The following SORT1 variants were observed in gnomAD, a reference collection of about 807,000 sequenced individuals.
SORT1 encodes the protein sortilin.
Under a neutral mutation model 101.7 loss-of-function variants are expected in SORT1, and 39 were observed. The ratio of observed to expected loss-of-function variants is 0.38; its 90% confidence interval spans 0.30 to 0.50. The LOEUF (loss-of-function observed/expected upper bound fraction) is 0.50, where lower values mean the gene tolerates loss of function less well. SORT1 is among the 20% of genes least tolerant of loss of function. SORT1 has a pLI of 0.90. For synonymous variants in SORT1, 396 were observed against 393.7 expected (o/e 1.01, Z -0.07); for missense variants, 878 against 1,040.4 (o/e 0.84, Z 2.15).
rs546292723 is a variant in SORT1 at position 109,312,005 on chromosome 1, G to C, written c.*2038C>G. On this transcript the variant is annotated 3_prime_UTR_variant, in exon 20 of 20. Coordinates refer to ENST00000256637, the MANE Select transcript of SORT1 (RefSeq NM_002959.7). ...TTTGCCAAGTTCCACAGAAATCCCA[G>C]ATATCATTAAAAGCGAAGAGCCCTA... 1 of 152,462 alleles carries C rather than the reference G, an allele frequency of 6.6e-6. No individual in the cohort carries two copies. 9.4% of individuals were successfully genotyped at this position (152,462 alleles called of 1,614,324 possible).
At chr1:109,319,539 G>A (rs1054176607) in intron 15 of SORT1, among the ~76,000 whole-genome samples, 4 of 151,716 alleles carry the variant, frequency 2.6e-5, no homozygotes, top group South Asian at 2.1e-4. Flanking sequence ...TTTCTTCCAC[G>A]CATTTTGGCT....
intron 14 of SORT1, among the ~76,000 whole-genome samples, chr1:109,323,662 C>T (rs922702326): frequency 6.6e-6 from 1 of 152,206 alleles, no homozygotes; most frequent in Non-Finnish European, 1.5e-5. Context: ...TGCTGATAAA[C>T]CTAGTTTCTG....
intron 1 of SORT1, among the ~76,000 whole-genome samples, chr1:109,391,856 G>A (rs1412768488): frequency 2.1e-4 from 32 of 152,108 alleles, no homozygotes. Flanking sequence ...ATAGTGGGAA[G>A]AACAAGTTTT....
At chr1:109,376,930 C>T (rs1651894699) in intron 1 of SORT1, among the ~76,000 whole-genome samples, 1 of 152,162 alleles carries the variant, frequency 6.6e-6, no homozygotes, top group African/African-American at 2.4e-5. Context: ...TGCACTTGTC[C>T]ATTGCTCCTC....
At chr1:109,330,094 C>A (rs187512185) in intron 11 of SORT1, among the ~76,000 whole-genome samples, 294 of 152,236 alleles carry the variant, frequency 1.9e-3, no homozygotes, top group African/African-American at 6.7e-3. Context: ...CTCCGCCTCC[C>A]GGGTTCAAAC....
chr1:109,319,607 C>T (rs1280702860), intron 15 of SORT1, among the ~76,000 whole-genome samples: 1 of 152,160 alleles, frequency 6.6e-6, no homozygotes, highest in Non-Finnish European at 1.5e-5. Context: ...TGGCTCATGC[C>T]TATAATCCTA....
chr1:109,382,689 C>T (rs1652317961), intron 1 of SORT1, among the ~76,000 whole-genome samples: 3 of 152,062 alleles, frequency 2.0e-5, no homozygotes, highest in African/African-American at 4.8e-5. Context: ...CATCTACTGC[C>T]CTCGGTAGGG....
chr1:109,333,896 C>G, intron 11 of SORT1, among the ~76,000 whole-genome samples: 1 of 152,260 alleles, frequency 6.6e-6, no homozygotes, highest in South Asian at 2.1e-4. Flanking sequence ...CCTGCAATCC[C>G]AGTACTTTGG....
chr1:109,349,000 C>T (rs372404524), intron 6 of SORT1, among the ~76,000 whole-genome samples: 4 of 151,994 alleles, frequency 2.6e-5, no homozygotes, highest in African/African-American at 4.8e-5. Flanking sequence ...TTACACATGA[C>T]CTACATGTTT....
At chr1:109,346,872 T>C (rs923425683) in intron 7 of SORT1, among the ~76,000 whole-genome samples, 3 of 152,222 alleles carry the variant, frequency 2.0e-5, no homozygotes, top group Admixed American at 2.0e-4. Flanking sequence ...CTGGGGGTCT[T>C]GCCACATTGC....
intron 10 of SORT1, 124 bp from the exon 11 acceptor site, chr1:109,336,470 C>A: frequency 1.5e-6 from 1 of 658,936 alleles, no homozygotes; most frequent in South Asian, 1.7e-5. Context: ...GCTTGTAACA[C>A]CTCACAAAAC....
chr1:109,355,641 A>ACCCCCCCCCCCCCCCCCCCCCCCCCC (rs529686433), intron 3 of SORT1, among the ~76,000 whole-genome samples, 172 bp from the exon 4 acceptor site: 1 of 84,102 alleles, frequency 1.2e-5, no homozygotes, highest in Non-Finnish European at 2.3e-5. Context: ...AGAACATTCC[A>ACCCCCCCCCCCCCCCCCCCCCCCCCC]CCCGCCCCCC....
intron 14 of SORT1, among the ~76,000 whole-genome samples, chr1:109,324,101 C>T (rs569447909): frequency 1.9e-4 from 29 of 148,718 alleles, no homozygotes; most frequent in African/African-American, 6.9e-4. Flanking sequence ...AACTACAGGT[C>T]ATCCTTTTTC....
chr1:109,333,907 G>A (rs940340642), intron 11 of SORT1, among the ~76,000 whole-genome samples: 5 of 152,222 alleles, frequency 3.3e-5, no homozygotes, highest in African/African-American at 9.7e-5. Flanking sequence ...AGTACTTTGG[G>A]AGGCAGAGGC....
intron 4 of SORT1, among the ~76,000 whole-genome samples, chr1:109,354,893 C>G (rs1384263483): frequency 6.6e-6 from 1 of 152,108 alleles, no homozygotes; most frequent in Non-Finnish European, 1.5e-5. Context: ...ACAAATAAAC[C>G]TGTGTGCTCA....
intron 3 of SORT1, among the ~76,000 whole-genome samples, chr1:109,365,279 A>C (rs1201555481): frequency 6.6e-6 from 1 of 152,200 alleles, no homozygotes; most frequent in Non-Finnish European, 1.5e-5. Context: ...CCTGGAGTGC[A>C]GTGATGTGAT....
intron 15 of SORT1, among the ~76,000 whole-genome samples, chr1:109,318,846 A>G (rs993319417): frequency 8.6e-5 from 13 of 151,914 alleles, no homozygotes; most frequent in African/African-American, 3.1e-4. Context: ...GGTCTTGACA[A>G]ATTGCTCAGG....
At position 109,368,999 on chromosome 1, in the gene SORT1, T is replaced by C. The variant is rs1651285582; in HGVS notation, c.366+531A>G. ...CCACCAAGGACTGAAAAGGTGTCCA[T>C]CTTCCCACCGTGGAAGAAGGTGGTC... is the stretch of plus-strand genomic sequence containing the variant. On this transcript the variant is annotated intron_variant, in intron 2 of 19. Transcript: ENST00000256637. Among the ~76,000 whole-genome samples the C allele has an allele frequency of 2.6e-5, 4 of 152,298 alleles. No homozygotes were observed. In the South Asian group the frequency reaches 8.3e-4, roughly 32 times the overall value.
At chr1:109,358,451 C>G (rs1040138727) in intron 3 of SORT1, among the ~76,000 whole-genome samples, 15 of 152,124 alleles carry the variant, frequency 9.9e-5, no homozygotes, top group Non-Finnish European at 2.1e-4. Context: ...ATTGATGAAG[C>G]AACTTTGATA....
Sources: gnomAD v4.1 joint callset for allele counts (sites outside exome capture counted in the v4.1 genomes callset) on GRCh38, gnomAD v4.1.1 for gene constraint, MANE v1.5 for transcripts, NCBI Gene and HGNC (gene_info 2026-07-23, HGNC 2026-07-21) for gene names.